The following TEX14 variants were observed in gnomAD, a reference collection of about 807,000 sequenced individuals.
The protein encoded by TEX14 is inactive serine/threonine-protein kinase TEX14.
Under a neutral mutation model 178.6 loss-of-function variants are expected in TEX14, and 168 were observed. The observed-to-expected ratio is 0.94, with a 90% confidence interval of 0.83 to 1.07. TEX14 has a LOEUF of 1.07. Ranked by LOEUF, TEX14 falls within the 50% of genes least tolerant of loss-of-function variation. TEX14 has a pLI of 0.00. For synonymous variants in TEX14, 626 were observed against 634.1 expected (o/e 0.99, Z 0.19); for missense variants, 1,730 against 1,753.6 (o/e 0.99, Z 0.24).
chr17:58,595,117 T>C (rs535101606), intron 14 of TEX14, among the ~76,000 whole-genome samples: 1 of 152,238 alleles, frequency 6.6e-6, no homozygotes, highest in Admixed American at 6.5e-5. Flanking sequence ...AAGAAAAGGT[T>C]AGAATATGTT....
At chr17:58,683,970 CAGA>C (rs1349921985) in intron 1 of TEX14, among the ~76,000 whole-genome samples, 1 of 151,912 alleles carries the variant, frequency 6.6e-6, no homozygotes, top group Non-Finnish European at 1.5e-5. Flanking sequence ...GAGGCTGAGG[CAGA>C]AGAACTGCTT....
intron 1 of TEX14, among the ~76,000 whole-genome samples, chr17:58,678,404 A>T (rs1261053074): frequency 6.6e-6 from 1 of 152,234 alleles, no homozygotes; most frequent in Admixed American, 6.5e-5. Context: ...TATTCACAAT[A>T]GCAAAGACTT....
At chr17:58,571,275 G>A (rs1267546) in intron 24 of TEX14, among the ~76,000 whole-genome samples, 51,961 of 138,390 alleles carry the variant, frequency 0.38, 9,753 homozygotes, top group East Asian at 0.52. Flanking sequence ...TCACTCTGTC[G>A]CCCAGGCTGG....
rs76604499 is a variant in TEX14 at position 58,567,269 on chromosome 17, T to A, written c.3887-1445A>T. ...TCAGTATGCTGCTTTATCCTCAAAG[T>A]GCTCTGCAAAGCAAAGCAAGTTGGG... On this transcript the variant is annotated intron_variant, in intron 26 of 31. Transcript: ENST00000349033. Among the ~76,000 whole-genome samples, 705 of 152,220 alleles carry A rather than the reference T, an allele frequency of 4.6e-3. 23 individuals carry two copies. The South Asian group carries it at 0.069, about 15-fold the overall frequency.
intron 14 of TEX14, among the ~76,000 whole-genome samples, chr17:58,598,385 GTGAA>G (rs2045344520): frequency 6.6e-6 from 1 of 151,762 alleles, no homozygotes; most frequent in Non-Finnish European, 1.5e-5. Context: ...TGTTGAATGA[GTGAA>G]TGAATGAATA....
intron 29 of TEX14, 28 bp downstream of exon 29, chr17:58,561,492 A>C: frequency 6.7e-7 from 1 of 1,498,206 alleles, no homozygotes; most frequent in Non-Finnish European, 9.3e-7. Context: ...AAAAAGAAGA[A>C]AAGGATTCCC....
rs1018239438 is a variant in TEX14, at chr17:58,575,490, T to C, written c.3321-1241A>G. On this transcript the variant is annotated intron_variant, in intron 21 of 31. Coordinates refer to ENST00000349033, the MANE Select transcript of TEX14 (RefSeq NM_031272.5). ...GAAAGATCATGGATTTGGGGTTGAG[T>C]TGTGACTTTATTAATTCTGTTACCA... Among the ~76,000 whole-genome samples the C allele has an allele frequency of 2.6e-5, 4 of 152,162 alleles. No homozygotes were observed. In the South Asian group the frequency reaches 8.3e-4, roughly 31 times the overall value.
intron 1 of TEX14, among the ~76,000 whole-genome samples, chr17:58,686,137 A>C (rs1261917877): frequency 6.6e-6 from 1 of 152,038 alleles, no homozygotes; most frequent in Non-Finnish European, 1.5e-5. Context: ...TGTGACCAGG[A>C]GTTCAAAACC....
At position 58,559,572 on chromosome 17, in the gene TEX14, C is replaced by A. The variant is rs370136626; in HGVS notation, c.4158-10G>T. 1 of 1,371,846 alleles carries A rather than the reference C, an allele frequency of 7.3e-7. No homozygotes were observed. Among genetic ancestry groups the A allele is most frequent in the Non-Finnish European group, 1.0e-6 (1 of 963,746 alleles). The allele number at this position is 1,371,846 out of a possible 1,614,324, so 85.0% of individuals were successfully genotyped here. A position where few individuals can be genotyped will look rare whatever the true frequency, so the allele number is the denominator to read the frequency against. On this transcript the variant is annotated splice_polypyrimidine_tract_variant and intron_variant, in intron 29 of 31. Transcript: ENST00000349033. ...TTTGATATTTGTCTCCCTGTAACAA[C>A]AATTATTTGGGGAATCAAAACGTAT...
At chr17:58,647,408 T>C (rs1394761467) in intron 2 of TEX14, among the ~76,000 whole-genome samples, 22 of 149,348 alleles carry the variant, frequency 1.5e-4, no homozygotes, top group African/African-American at 5.4e-4. Context: ...GGCGGGTGCC[T>C]GTAGTCCCAG....
chr17:58,661,649 G>A, intron 1 of TEX14: 1 of 649,422 alleles, frequency 1.5e-6, no homozygotes, highest in Non-Finnish European at 2.8e-6. Context: ...CTGGACACAC[G>A]TAAAGATTCT....
chr17:58,651,548 C>G (rs2046839745), intron 2 of TEX14, among the ~76,000 whole-genome samples: 1 of 152,114 alleles, frequency 6.6e-6, no homozygotes, highest in Non-Finnish European at 1.5e-5. Flanking sequence ...TGTCAGAGAA[C>G]TTAATGGATG....
chr17:58,641,247 C>A (rs1416450439), intron 2 of TEX14, among the ~76,000 whole-genome samples: 1 of 151,792 alleles, frequency 6.6e-6, no homozygotes, highest in Non-Finnish European at 1.5e-5. Context: ...CCCGTCTCTA[C>A]TAAAAATACA....
intron 1 of TEX14, among the ~76,000 whole-genome samples, chr17:58,656,231 G>A (rs1040514464): frequency 2.0e-5 from 3 of 152,210 alleles, no homozygotes; most frequent in East Asian, 1.9e-4. Context: ...ATCACATGAG[G>A]TCAGGAGTTC....
At chr17:58,676,142 G>A (rs937640748) in intron 1 of TEX14, among the ~76,000 whole-genome samples, 6 of 152,162 alleles carry the variant, frequency 3.9e-5, no homozygotes, top group African/African-American at 1.4e-4. Flanking sequence ...TTGGAAGGCT[G>A]ACGCAGGCAG....
chr17:58,645,371 T>A (rs1483732362), intron 2 of TEX14, among the ~76,000 whole-genome samples: 1 of 151,648 alleles, frequency 6.6e-6, no homozygotes, highest in African/African-American at 2.4e-5. Context: ...ATAATTTTTT[T>A]TTTTTGAGAC....
chr17:58,605,097 C>G lies in TEX14; in HGVS notation c.1217G>C (p.Arg406Pro), dbSNP rs143065939. ...EDRGVQRDLTRVPLPTQLYNW... is the reference protein window; with the variant it reads ...EDRGVQRDLTPVPLPTQLYNW... ...GTATAGCTGCGTAGGAAGGGGCACT[C>G]GAGTCAGGTCCCTCTGTACACCTCT... Residue 406 changes from arginine (R) to proline (P), a missense_variant, in exon 11 of 32, where the codon CGA (arginine) becomes CCA (proline). This residue lies in a region of TEX14 where 789 missense variants were observed against 681.2 expected (regional missense o/e 1.16). Coordinates refer to ENST00000349033, the MANE Select transcript of TEX14 (RefSeq NM_031272.5). The G allele has an allele frequency of 1.7e-5, 28 of 1,613,996 alleles. No individual in the cohort carries two copies. The African/African-American group carries it at 3.6e-4, about 21-fold the overall frequency.
chr17:58,678,325 G>A (rs1302333123), intron 1 of TEX14, among the ~76,000 whole-genome samples: 2 of 152,200 alleles, frequency 1.3e-5, no homozygotes, highest in East Asian at 3.9e-4. Flanking sequence ...CCATTACTGG[G>A]TATATACCCA....
In TEX14 at chr17:58,584,739, C is replaced by T. The variant is rs150515332; in HGVS notation, c.3071-139G>A. ...CATGTCCCATACGTTAGGTTCAGTC[C>T]AGAGAGTAGAGACTGTTAGTTTAGC... On this transcript the variant is annotated intron_variant, in intron 18 of 31. Coordinates refer to ENST00000349033, the MANE Select transcript of TEX14 (RefSeq NM_031272.5). 2.0e-4 allele frequency: 134 copies of T among 686,584 alleles called. No individual in the cohort carries two copies. The East Asian group carries it at 3.5e-3, about 18-fold the overall frequency. 42.5% of individuals were successfully genotyped at this position (686,584 alleles called of 1,614,324 possible).
Sources: gnomAD v4.1 joint callset for allele counts (sites outside exome capture counted in the v4.1 genomes callset) on GRCh38, gnomAD v4.1.1 for gene constraint, gnomAD v4.1.1 regional missense constraint, MANE v1.5 for transcripts, NCBI Gene and HGNC (gene_info 2026-07-23, HGNC 2026-07-21) for gene names.